Variants in PPP1R3A observed in about 807,000 individuals in gnomAD.
PPP1R3A encodes the protein protein phosphatase 1 regulatory subunit 3A, also known as RG1.
In PPP1R3A, 29 loss-of-function variants were observed where a neutral mutation model predicts 41.7. That is an observed-to-expected ratio of 0.70 (90% CI 0.52 to 0.95). The LOEUF is 0.95. Ranked by LOEUF, PPP1R3A falls within the 40% of genes least tolerant of loss-of-function variation. PPP1R3A has a pLI of 0.00. For synonymous variants in PPP1R3A, 485 were observed against 453.4 expected (o/e 1.07, Z -0.89); for missense variants, 1,352 against 1,292.4 (o/e 1.05, Z -0.71).
At position 113,878,082 on chromosome 7, in the gene PPP1R3A, C is replaced by A; in HGVS notation, c.3010G>T (p.Val1004Leu). The A allele has an allele frequency of 1.9e-6, 3 of 1,613,332 alleles. No individual in the cohort carries two copies. Among genetic ancestry groups the A allele is most frequent in the Non-Finnish European group, 2.5e-6 (3 of 1,179,636 alleles). The change falls in exon 4 of 4, where the codon GTG (valine) becomes TTG (leucine). Residue 1004 changes from valine (V) to leucine (L), a missense_variant. By Grantham distance (32) the Val-to-Leu change is conservative. Coordinates refer to ENST00000284601, the MANE Select transcript of PPP1R3A (RefSeq NM_002711.4). Reference sequence around the variant, plus strand: ...ATCATTGGCCCTAGAGATTTTTCCACACTATACTCTTCTGTTTGGAAAATC... The same window carrying A: ...ATCATTGGCCCTAGAGATTTTTCCAAACTATACTCTTCTGTTTGGAAAATC... Reference protein sequence around the residue: ...GQIFQTEEYSVEKSLGPMILI... With the variant: ...GQIFQTEEYSLEKSLGPMILI...
intron 1 of PPP1R3A, among the ~76,000 whole-genome samples, chr7:113,906,228 A>G (rs565295932): frequency 7.8e-4 from 118 of 151,936 alleles, no homozygotes; most frequent in Admixed American, 1.4e-3. Context: ...TATTCAATTT[A>G]GACAACAAAT....
At position 113,880,274 on chromosome 7, in the gene PPP1R3A, G is replaced by C. The variant is rs144130210; in HGVS notation, c.967-149C>G. ...TGTGGATTTCATATAAACTCTGGAAGCCAGATGTTTTGGGGAAATCCTTGC... is the reference window on the plus strand; with the variant it reads ...TGTGGATTTCATATAAACTCTGGAACCCAGATGTTTTGGGGAAATCCTTGC... On this transcript the variant is annotated intron_variant, in intron 3 of 3. Coordinates refer to ENST00000284601, the MANE Select transcript of PPP1R3A (RefSeq NM_002711.4). The C allele has an allele frequency of 9.5e-6, 8 of 843,568 alleles. No homozygotes were observed. The African/African-American group carries it at 1.4e-4, about 15-fold the overall frequency. The allele number at this position is 843,568 out of a possible 1,614,324, so 52.3% of individuals were successfully genotyped here. A position where few individuals can be genotyped will look rare whatever the true frequency, so the allele number is the denominator to read the frequency against.
chr7:113,881,998 G>A, intron 3 of PPP1R3A, 41 bp downstream of exon 3: 1 of 1,608,266 alleles, frequency 6.2e-7, no homozygotes, highest in Non-Finnish European at 8.5e-7. Context: ...AAGCAGAAAT[G>A]GATTCATCTT....
At chr7:113,911,611 C>A (rs978875333) in intron 1 of PPP1R3A, among the ~76,000 whole-genome samples, 1 of 152,046 alleles carries the variant, frequency 6.6e-6, no homozygotes, top group Non-Finnish European at 1.5e-5. Context: ...AATTTATGAA[C>A]AGGTGATGTT....
chr7:113,905,702 G>A (rs1434151555), intron 1 of PPP1R3A, among the ~76,000 whole-genome samples: 2 of 151,742 alleles, frequency 1.3e-5, no homozygotes, highest in Non-Finnish European at 1.5e-5. Context: ...TTCATTTAGG[G>A]AAGGACCAAG....
chr7:113,888,052 GAA>G lies in PPP1R3A; in HGVS notation c.783-5734_783-5733del, dbSNP rs372482828. On this transcript the variant is annotated intron_variant, in intron 1 of 3. Coordinates refer to ENST00000284601, the MANE Select transcript of PPP1R3A (RefSeq NM_002711.4). ...CAAGGAAAAAAAAAAAAGCACAAAA[GAA>G]AAAGTCACATCTAGAAACAACAAAA... Among the ~76,000 whole-genome samples, 305 of 151,418 alleles carry G rather than the reference GAA, an allele frequency of 2.0e-3. 2 individuals carry two copies. Among genetic ancestry groups the G allele is most frequent in the Middle Eastern group, 0.014 (4 of 286 alleles).
Position 113,877,791 on chromosome 7 carries a change from A to G in PPP1R3A, c.3301T>C (p.Tyr1101His), listed in dbSNP as rs780603133. 8.7e-6 allele frequency: 14 copies of G among 1,604,692 alleles called. No homozygotes were observed. The highest frequency in any genetic ancestry group is 1.3e-5 in the African/African-American group (1 of 74,506). Residue 1101 changes from tyrosine (Y) to histidine (H), a missense_variant, in exon 4 of 4, where the codon TAC (tyrosine) becomes CAC (histidine). Tyr to His is a moderately conservative substitution (Grantham distance 83). Transcript: ENST00000284601. ...HYDLMIGLTF[Y>H]VLSLSWLSWE... is the part of the protein sequence containing the mutation. ...GATAGCCAGGACAATGACAAAACGT[A>G]GAATGTCAAGCCAATCATTAAGTCA...
In PPP1R3A at chr7:113,878,094, C is replaced by T. The variant is rs1484218962; in HGVS notation, c.2998G>A (p.Glu1000Lys). 3.1e-6 allele frequency: 5 copies of T among 1,613,288 alleles called. No homozygotes were observed. In the African/African-American group the frequency reaches 6.7e-5, roughly 22 times the overall value. ...AGAGATTTTTCCACACTATACTCTT[C>T]TGTTTGGAAAATCTGGCCTATGCAT... ...ERCIGQIFQT[E>K]EYSVEKSLGP... The change falls in exon 4 of 4, where the codon GAA (glutamate) becomes AAA (lysine). Residue 1000 changes from glutamate (E) to lysine (K), a missense_variant. By Grantham distance (56) the Glu-to-Lys change is moderately conservative. Coordinates refer to ENST00000284601, the MANE Select transcript of PPP1R3A (RefSeq NM_002711.4).
chr7:113,905,291 AT>A (rs1014365170), intron 1 of PPP1R3A, among the ~76,000 whole-genome samples: 3 of 151,734 alleles, frequency 2.0e-5, no homozygotes, highest in Non-Finnish European at 4.4e-5. Flanking sequence ...GTGTTATAAT[AT>A]GCCTGATAGT....
chr7:113,902,372 A>C (rs1029307109), intron 1 of PPP1R3A, among the ~76,000 whole-genome samples: 21 of 151,604 alleles, frequency 1.4e-4, no homozygotes, highest in African/African-American at 4.6e-4. Flanking sequence ...TAGCCTGAAG[A>C]CTCCTAAATT....
chr7:113,916,940 A>G lies in PPP1R3A; in HGVS notation c.782+1275T>C, dbSNP rs147373299. ...CCTAATTCACAAAGTTGATTAAGCC[A>G]ATATTTCAGATGACTTTAAAGGAAA... On this transcript the variant is annotated intron_variant, in intron 1 of 3. Transcript: ENST00000284601. Among the ~76,000 whole-genome samples the G allele has an allele frequency of 1.0e-3, 156 of 152,202 alleles. No individual in the cohort carries two copies. In the East Asian group the frequency reaches 0.024, roughly 23 times the overall value.
At chr7:113,897,681 G>A (rs909475083) in intron 1 of PPP1R3A, among the ~76,000 whole-genome samples, 2 of 151,812 alleles carry the variant, frequency 1.3e-5, no homozygotes, top group African/African-American at 4.8e-5. Flanking sequence ...GTCAGGATGA[G>A]CTTATAAGTG....
At chr7:113,887,989 T>C (rs1221104927) in intron 1 of PPP1R3A, among the ~76,000 whole-genome samples, 1 of 151,616 alleles carries the variant, frequency 6.6e-6, no homozygotes, top group Non-Finnish European at 1.5e-5. Context: ...GATTGTGCCA[T>C]TGCACTGCAG....
intron 3 of PPP1R3A, among the ~76,000 whole-genome samples, chr7:113,881,309 T>C (rs1796692636): frequency 2.0e-5 from 3 of 152,042 alleles, no homozygotes; most frequent in Non-Finnish European, 4.4e-5. Context: ...TAGATGATTA[T>C]GAATCCATGT....
At chr7:113,885,905 G>A in intron 1 of PPP1R3A, among the ~76,000 whole-genome samples, 1 of 147,188 alleles carries the variant, frequency 6.8e-6, no homozygotes, top group East Asian at 2.0e-4. Flanking sequence ...TTATATATAG[G>A]TATATATAGC....
At chr7:113,912,845 C>A (rs1797273987) in intron 1 of PPP1R3A, among the ~76,000 whole-genome samples, 1 of 152,004 alleles carries the variant, frequency 6.6e-6, no homozygotes, top group African/African-American at 2.4e-5. Context: ...TGAGGCATGG[C>A]ATTCATAGTG....
rs1562916926 is a variant in PPP1R3A, at chr7:113,879,663, T to A, written c.1429A>T (p.Ile477Phe). 6.2e-7 allele frequency: 1 copy of A among 1,613,026 alleles called. No individual in the cohort carries two copies. The highest frequency in any genetic ancestry group is 8.5e-7 in the Non-Finnish European group (1 of 1,179,614). The change falls in exon 4 of 4, where the codon ATT becomes TTT. Residue 477 changes from isoleucine to phenylalanine, a missense_variant. Physicochemically the swap from Ile to Phe is conservative, Grantham distance 21. Transcript: ENST00000284601. ...AAACATCCCAAATCTTTTACTTCAA[T>A]ATTTTTAGCTCCTCCTTCATGTTTT... ...NKKHEGGAKN[I>F]EVKDLGCLRR...
chr7:113,877,134 C>A lies in PPP1R3A; in HGVS notation c.*589G>T, dbSNP rs901499384. ...AAGAAGGTATGTGTGTGTGTGTGTG[C>A]ATGCATCAAGTATTACACTCAAGTG... On this transcript the variant is annotated 3_prime_UTR_variant, in exon 4 of 4. Coordinates refer to ENST00000284601, the MANE Select transcript of PPP1R3A (RefSeq NM_002711.4). The A allele has an allele frequency of 6.6e-6, 1 of 151,698 alleles. No individual in the cohort carries two copies. Among genetic ancestry groups the A allele is most frequent in the East Asian group, 1.9e-4 (1 of 5,144 alleles). 9.4% of individuals were successfully genotyped at this position (151,698 alleles called of 1,614,324 possible).
Position 113,879,240 on chromosome 7 carries a change from A to G in PPP1R3A, c.1852T>C (p.Cys618Arg). Residue 618 changes from cysteine to arginine, a missense_variant, in exon 4 of 4, where the codon TGT (cysteine) becomes CGT (arginine). Coordinates refer to ENST00000284601, the MANE Select transcript of PPP1R3A (RefSeq NM_002711.4). ...SALGGITGQV[C>R]SSRTGNVLRN... ...AAAACATTTCCAGTTCTTGATGAAC[A>G]AACTTGACCAGTTATCCCTCCTAAA... 1 of 1,613,762 alleles carries G rather than the reference A, an allele frequency of 6.2e-7. No homozygotes were observed. Among genetic ancestry groups the G allele is most frequent in the African/African-American group, 1.3e-5 (1 of 75,008 alleles).
Sources: gnomAD v4.1 joint callset for allele counts (sites outside exome capture counted in the v4.1 genomes callset) on GRCh38, gnomAD v4.1.1 for gene constraint, MANE v1.5 for transcripts, NCBI Gene and HGNC (gene_info 2026-07-23, HGNC 2026-07-21) for gene names.